Variants in PUM2 observed in about 807,000 individuals in gnomAD.
PUM2 encodes the protein pumilio RNA binding family member 2.
PUM2 carries 57 observed loss-of-function variants against 124.5 expected under a neutral mutation model. The observed-to-expected ratio is 0.46, with a 90% CI of 0.37 to 0.57. PUM2 has a LOEUF of 0.57. Among genes scored for constraint, PUM2 ranks in the 20% least tolerant of loss-of-function variants. PUM2 has a pLI of 0.00. For missense variants in PUM2, 1,065 were observed against 1,290.6 expected, an observed-to-expected ratio of 0.83 and a Z score of 2.68; for synonymous variants, 460 against 446.1, an observed-to-expected ratio of 1.03 and a Z score of -0.39.
At chr2:20,309,842 T>C (rs2148569102) in intron 5 of PUM2, among the ~76,000 whole-genome samples, 1 of 152,268 alleles carries the variant, frequency 6.6e-6, no homozygotes, top group East Asian at 1.9e-4. Flanking sequence ...AATTGTTCTC[T>C]GTAGATATGT....
rs1161381382 is a variant in PUM2, at chr2:20,250,767, T to C, written c.*818A>G. 1 of 152,564 alleles carries C rather than the reference T, an allele frequency of 6.6e-6. No homozygotes were observed. Among genetic ancestry groups the C allele is most frequent in the Non-Finnish European group, 1.5e-5 (1 of 67,988 alleles). The allele number at this position is 152,564 out of a possible 1,614,324, so 9.5% of individuals were successfully genotyped here. On this transcript the variant is annotated 3_prime_UTR_variant, in exon 21 of 21. Transcript: ENST00000361078. ...CTATAAGCAAAACAAAATACAAATT[T>C]CCACTCTTTCTCATTGCAAACCAAA... is the stretch of plus-strand genomic sequence containing the variant.
chr2:20,310,900 A>G (rs1558614786), intron 5 of PUM2, among the ~76,000 whole-genome samples: 1 of 152,118 alleles, frequency 6.6e-6, no homozygotes, highest in Non-Finnish European at 1.5e-5. Context: ...TTTAACTGCC[A>G]TAAAAAGACA....
chr2:20,345,311 T>C (rs895997759), intron 1 of PUM2, among the ~76,000 whole-genome samples: 5 of 152,020 alleles, frequency 3.3e-5, no homozygotes, highest in East Asian at 2.0e-4. Context: ...GGTCTCCCTA[T>C]GCTGGCCAGG....
intron 2 of PUM2, among the ~76,000 whole-genome samples, chr2:20,326,599 G>C (rs1472210223): frequency 6.6e-6 from 1 of 152,174 alleles, no homozygotes; most frequent in Non-Finnish European, 1.5e-5. Context: ...GTATTCATTA[G>C]CTATATGAAA....
intron 13 of PUM2, among the ~76,000 whole-genome samples, chr2:20,271,036 C>A (rs1295977973): frequency 6.6e-6 from 1 of 152,008 alleles, no homozygotes. Context: ...TATATTGTAA[C>A]TGCTGTTTTT....
chr2:20,262,493 A>G (rs1325291698), intron 14 of PUM2, among the ~76,000 whole-genome samples: 1 of 152,232 alleles, frequency 6.6e-6, no homozygotes, highest in Non-Finnish European at 1.5e-5. Context: ...CTAGGTTTGC[A>G]TAGGTACACT....
rs191476098 is a variant in PUM2 at position 20,325,822 on chromosome 2, C to T, written c.51+1488G>A. The stretch of plus-strand genomic sequence containing the variant: ...ATTTTTAGTAGAGACGGGGTTTCAC[C>T]GTATTAGCCAGGATGGTCTCTATCT... On this transcript the variant is annotated intron_variant, in intron 2 of 20. Coordinates refer to ENST00000361078, the MANE Select transcript of PUM2 (RefSeq NM_015317.5). Among the ~76,000 whole-genome samples, 68 of 152,180 alleles carry T rather than the reference C, an allele frequency of 4.5e-4. No homozygotes were observed. In the East Asian group the frequency reaches 8.1e-3, roughly 18 times the overall value.
intron 1 of PUM2, among the ~76,000 whole-genome samples, chr2:20,336,746 ATCTGTGTGTG>A (rs1686154979): frequency 4.6e-5 from 4 of 87,382 alleles, no homozygotes; most frequent in South Asian, 4.0e-4. Flanking sequence ...GCCCAGGCTG[ATCTGTGTGTG>A]TGTGTGTGTG....
intron 12 of PUM2, among the ~76,000 whole-genome samples, chr2:20,280,838 G>A (rs1044316167): frequency 6.6e-6 from 1 of 152,058 alleles, no homozygotes; most frequent in Non-Finnish European, 1.5e-5. Flanking sequence ...ACTTTCAATT[G>A]TAACAACACT....
chr2:20,293,886 G>T (rs916078804), intron 9 of PUM2, among the ~76,000 whole-genome samples: 2 of 150,392 alleles, frequency 1.3e-5, no homozygotes, highest in Non-Finnish European at 3.0e-5. Flanking sequence ...TTTGAAAAAG[G>T]CTCAAAATTT....
At chr2:20,267,535 T>C (rs1461231162) in intron 13 of PUM2, among the ~76,000 whole-genome samples, 1 of 152,224 alleles carries the variant, frequency 6.6e-6, no homozygotes, top group Admixed American at 6.5e-5. Flanking sequence ...ATATTCATAC[T>C]TCTGCTGCTG....
chr2:20,294,429 T>C lies in PUM2; in HGVS notation c.1099A>G (p.Asn367Asp), dbSNP rs151139479. 3.1e-4 allele frequency: 495 copies of C among 1,614,092 alleles called. No homozygotes were observed. Among genetic ancestry groups the C allele is most frequent in the Non-Finnish European group, 4.0e-4 (473 of 1,180,048 alleles). The change falls in exon 9 of 21, where the codon AAT becomes GAT. Residue 367 changes from asparagine to aspartate, a missense_variant. Asn to Asp is a conservative substitution (Grantham distance 23). Transcript: ENST00000361078. ...GCTGCTTGCTGACTGGCTGTGTTAT[T>C]TGCCGCAGCTGCAGCTTGCTGCTGA... ...LFQQQAAAAA[N>D]NTASQQAASQ...
At chr2:20,309,025 G>A (rs989277460) in intron 5 of PUM2, among the ~76,000 whole-genome samples, 2 of 151,950 alleles carry the variant, frequency 1.3e-5, no homozygotes, top group Admixed American at 1.3e-4. Flanking sequence ...ACATAATTTT[G>A]CCATAACATC....
chr2:20,337,078 A>C (rs894875625), intron 1 of PUM2, among the ~76,000 whole-genome samples: 2 of 152,158 alleles, frequency 1.3e-5, no homozygotes, highest in African/African-American at 4.8e-5. Context: ...TAATATTATA[A>C]TAAAACTACT....
chr2:20,286,981 A>C lies in PUM2; in HGVS notation c.1292-3495T>G, dbSNP rs141228894. 5.6e-3 allele frequency among the ~76,000 whole-genome samples: 827 copies of C among 148,084 alleles called. 2 individuals are homozygous for C. Among genetic ancestry groups the C allele is most frequent in the Non-Finnish European group, 8.1e-3 (545 of 67,128 alleles). ...TGACTGGTTAGATGAATGTATGAAG[A>C]GTGGGAAAAGGAAAAAAAAACGACG... is the stretch of plus-strand genomic sequence containing the variant. On this transcript the variant is annotated intron_variant, in intron 10 of 20. Transcript: ENST00000361078.
Position 20,248,913 on chromosome 2 carries a change from G to A in PUM2, c.*2672C>T, listed in dbSNP as rs1662623953. On this transcript the variant is annotated 3_prime_UTR_variant, in exon 21 of 21. Transcript: ENST00000361078. ...TCAAGAGTAAAGCCTAGGTAGTTTT[G>A]CCCAATTGTTTTATTCTGAAATGTG... 2 of 152,504 alleles carry A rather than the reference G, an allele frequency of 1.3e-5. No homozygotes were observed. Among genetic ancestry groups the A allele is most frequent in the South Asian group, 4.1e-4 (2 of 4,828 alleles). 9.4% of individuals were successfully genotyped at this position (152,504 alleles called of 1,614,324 possible).
intron 14 of PUM2, among the ~76,000 whole-genome samples, chr2:20,260,740 T>A (rs946228545): frequency 5.9e-5 from 9 of 152,172 alleles, no homozygotes; most frequent in African/African-American, 2.2e-4. Context: ...ATTACGTAAA[T>A]TTTGCTGCTT....
chr2:20,312,137 A>G, intron 4 of PUM2, 99 bp downstream of exon 4: 1 of 1,137,744 alleles, frequency 8.8e-7, no homozygotes, highest in Admixed American at 2.8e-5. Context: ...TCTTAGCTAT[A>G]GGAAGGGCAC....
At chr2:20,286,321 T>C (rs1048011398) in intron 10 of PUM2, among the ~76,000 whole-genome samples, 1 of 152,192 alleles carries the variant, frequency 6.6e-6, no homozygotes, top group Non-Finnish European at 1.5e-5. Flanking sequence ...CGGAGAACCC[T>C]AGAGATTTGC....
Sources: allele counts gnomAD v4.1 joint callset (sites outside exome capture counted in the v4.1 genomes callset), GRCh38; gene constraint gnomAD v4.1.1; transcripts MANE v1.5; gene names NCBI Gene and HGNC (gene_info 2026-07-23, HGNC 2026-07-21).